DLGAP2: variants seen among roughly 807,000 people sequenced by gnomAD.
DLGAP2 encodes the protein disks large-associated protein 2.
In DLGAP2, 26 loss-of-function variants were observed where a neutral mutation model predicts 100.3. The ratio of observed to expected loss-of-function variants is 0.26; its 90% CI spans 0.19 to 0.36. DLGAP2 has a LOEUF of 0.36. DLGAP2 is among the 10% of genes least tolerant of loss of function. DLGAP2 has a pLI of 1.00. For synonymous variants in DLGAP2, 886 were observed against 630.1 expected, an observed-to-expected ratio of 1.41 and a Z score of -6.08; for missense variants, 1,858 against 1,453.2, an observed-to-expected ratio of 1.28 and a Z score of -4.53.
intron 2 of DLGAP2, among the ~76,000 whole-genome samples, chr8:981,524 C>G (rs1250850826): frequency 6.6e-6 from 1 of 152,062 alleles, no homozygotes; most frequent in Non-Finnish European, 1.5e-5. Context: ...AGCAGCTGCG[C>G]CGTTTTACAT....
Position 1,266,674 on chromosome 8 carries a change from C to T in DLGAP2, c.106+7791C>T, listed in dbSNP as rs544085566. On this transcript the variant is annotated intron_variant, in intron 3 of 14. Transcript: ENST00000637795. ...ACTGACGTACGCCTCCGTGGGTGCA[C>T]CCGGGACGTTGAAGGCTTTACAATA... 3.3e-5 allele frequency among the ~76,000 whole-genome samples: 5 copies of T among 152,210 alleles called. No homozygotes were observed. In the South Asian group the frequency reaches 8.3e-4, roughly 25 times the overall value.
At chr8:1,692,826 G>C (rs994742139) in intron 13 of DLGAP2, among the ~76,000 whole-genome samples, 4 of 151,044 alleles carry the variant, frequency 2.6e-5, no homozygotes, top group Non-Finnish European at 4.4e-5. Context: ...CAAACAAAAA[G>C]AAAAACCACA....
chr8:1,103,254 G>T (rs556783762), intron 2 of DLGAP2, among the ~76,000 whole-genome samples: 14 of 152,316 alleles, frequency 9.2e-5, no homozygotes, highest in Non-Finnish European at 1.3e-4. Flanking sequence ...AGACTTCCAG[G>T]CTCTGTTGGA....
intron 3 of DLGAP2, among the ~76,000 whole-genome samples, chr8:1,379,148 C>T (rs1796031838): frequency 6.6e-6 from 1 of 152,276 alleles, no homozygotes; most frequent in African/African-American, 2.4e-5. Context: ...TTCCCTGAGC[C>T]CTGCCTAGAC....
chr8:1,694,086 T>C (rs1286936316), intron 13 of DLGAP2, among the ~76,000 whole-genome samples: 1 of 152,234 alleles, frequency 6.6e-6, no homozygotes, highest in East Asian at 1.9e-4. Context: ...ATAGCTAATA[T>C]TTGGCTTAAA....
chr8:1,598,271 T>C (rs1796520680), intron 6 of DLGAP2, among the ~76,000 whole-genome samples: 1 of 152,246 alleles, frequency 6.6e-6, no homozygotes. Flanking sequence ...TTTGCCAGTA[T>C]TTTATTGAGG....
At chr8:1,698,141 G>A (rs1160531149) in intron 14 of DLGAP2, among the ~76,000 whole-genome samples, 1 of 152,224 alleles carries the variant, frequency 6.6e-6, no homozygotes, top group Non-Finnish European at 1.5e-5. Context: ...CTCCCAGAAG[G>A]TGCCCTGGCC....
intron 1 of DLGAP2, among the ~76,000 whole-genome samples, chr8:757,700 TTG>T (rs1287645039): frequency 3.3e-5 from 5 of 152,164 alleles, no homozygotes. Context: ...GAATTAAAGA[TTG>T]TGTGTCTTTG....
intron 1 of DLGAP2, among the ~76,000 whole-genome samples, chr8:829,564 T>C (rs781060725): frequency 3.3e-5 from 5 of 152,266 alleles, no homozygotes; most frequent in Non-Finnish European, 1.5e-5. Context: ...CCTTCAATCT[T>C]ATTCAGAGCT....
At chr8:1,230,890 A>T (rs1798521779) in intron 2 of DLGAP2, among the ~76,000 whole-genome samples, 1 of 152,246 alleles carries the variant, frequency 6.6e-6, no homozygotes. Context: ...GTAAGACCTC[A>T]AACTTCAAGA....
chr8:970,524 G>C (rs1047986320), intron 2 of DLGAP2, among the ~76,000 whole-genome samples: 2 of 152,296 alleles, frequency 1.3e-5, no homozygotes, highest in South Asian at 2.1e-4. Context: ...AATAGGAATA[G>C]AACAGGCCTG....
At chr8:1,598,338 G>T (rs576676951) in intron 6 of DLGAP2, among the ~76,000 whole-genome samples, 33 of 152,276 alleles carry the variant, frequency 2.2e-4, no homozygotes, top group Middle Eastern at 3.4e-3. Context: ...TTTTTGTTGT[G>T]TCTCTGCCAG....
At chr8:1,541,294 A>G (rs983400243) in intron 4 of DLGAP2, among the ~76,000 whole-genome samples, 3 of 152,206 alleles carry the variant, frequency 2.0e-5, no homozygotes, top group African/African-American at 4.8e-5. Flanking sequence ...TGGTAGTTTA[A>G]GACATTCTGC....
At position 1,678,499 on chromosome 8, in the gene DLGAP2, T is replaced by A; in HGVS notation, c.2574T>A (p.Thr858=). The A allele has an allele frequency of 6.2e-7, 1 of 1,612,282 alleles. No individual in the cohort carries two copies. The highest frequency in any genetic ancestry group is 8.5e-7 in the Non-Finnish European group (1 of 1,179,200). ...AGCCCGCCATCGACACGGTAGAGACTGGGAGGATGTCTCCGTGCCGCAGGG... is the reference window on the plus strand; with the variant it reads ...AGCCCGCCATCGACACGGTAGAGACAGGGAGGATGTCTCCGTGCCGCAGGG... ...WLEPAIDTVE[T]GRMSPCRRDG... The change falls in exon 12 of 15, where the codon ACT becomes ACA. Residue 858 remains threonine, a synonymous_variant. Transcript: ENST00000637795.
At chr8:1,196,868 T>A (rs80078775) in intron 2 of DLGAP2, among the ~76,000 whole-genome samples, 4,320 of 152,136 alleles carry the variant, frequency 0.028, 196 homozygotes, top group African/African-American at 0.097. Flanking sequence ...ACAGGATATA[T>A]ACAGACAGGC....
intron 2 of DLGAP2, chr8:1,137,556 T>C (rs1431758651): frequency 6.6e-6 from 1 of 152,190 alleles, no homozygotes; most frequent in Non-Finnish European, 1.5e-5. Context: ...GGGTGATTCC[T>C]AAAGTTATAT....
chr8:1,117,983 C>A (rs1344657784), intron 2 of DLGAP2, among the ~76,000 whole-genome samples: 1 of 152,080 alleles, frequency 6.6e-6, no homozygotes, highest in East Asian at 1.9e-4. Flanking sequence ...TGGAATAGTT[C>A]CAATGAAATT....
chr8:843,615 C>G (rs140520604), intron 1 of DLGAP2, among the ~76,000 whole-genome samples: 7 of 152,242 alleles, frequency 4.6e-5, no homozygotes, highest in Admixed American at 6.5e-5. Context: ...GTATTTTGCA[C>G]TCCCTGGGCT....
At chr8:849,556 G>A (rs1032075977) in intron 1 of DLGAP2, among the ~76,000 whole-genome samples, 2 of 152,130 alleles carry the variant, frequency 1.3e-5, no homozygotes, top group Non-Finnish European at 2.9e-5. Flanking sequence ...CTGCCCTTTT[G>A]GGTTTCTACC....
Sources: allele counts gnomAD v4.1 joint callset (sites outside exome capture counted in the v4.1 genomes callset), GRCh38; gene constraint gnomAD v4.1.1; transcripts MANE v1.5; gene names NCBI Gene and HGNC (gene_info 2026-07-23, HGNC 2026-07-21).